FBXO38: variants seen among roughly 807,000 people sequenced by gnomAD.
FBXO38 encodes F-box protein 38, also known as F-box only protein 38.
FBXO38 carries 53 observed loss-of-function variants against 131.9 expected under a neutral mutation model. That is an observed-to-expected ratio of 0.40 (90% CI 0.32 to 0.51). The LOEUF is 0.51. FBXO38 is among the 20% of genes least tolerant of loss of function. The pLI, the probability that FBXO38 is intolerant of heterozygous loss-of-function variation, is 0.53. For synonymous variants in FBXO38, 452 were observed against 505.6 expected (o/e 0.89, Z 1.42); for missense variants, 1,076 against 1,475.6 (o/e 0.73, Z 4.44).
chr5:148,397,087 AAAAC>A (rs2113514505), intron 2 of FBXO38, among the ~76,000 whole-genome samples: 1 of 152,192 alleles, frequency 6.6e-6, no homozygotes, highest in East Asian at 1.9e-4. Context: ...GTTTATTCTA[AAAAC>A]AAACAATTTT....
At chr5:148,434,602 T>A (rs1226746438) in intron 17 of FBXO38, 1 of 152,232 alleles carries the variant, frequency 6.6e-6, no homozygotes, top group Non-Finnish European at 1.5e-5. Context: ...TGTTTGTGTA[T>A]GTGTATGTAT....
At chr5:148,406,650 G>T (rs1201023865) in intron 7 of FBXO38, among the ~76,000 whole-genome samples, 1 of 152,020 alleles carries the variant, frequency 6.6e-6, no homozygotes, top group Non-Finnish European at 1.5e-5. Flanking sequence ...CTTTTATGTA[G>T]CTAATAATAC....
At chr5:148,435,407 A>G (rs558901812) in intron 17 of FBXO38, among the ~76,000 whole-genome samples, 2 of 152,372 alleles carry the variant, frequency 1.3e-5, no homozygotes, top group Admixed American at 1.3e-4. Context: ...CAAGAGACCT[A>G]GCTTTTGACC....
chr5:148,406,252 T>TC lies in FBXO38; in HGVS notation c.731-3dup. 3 of 1,564,756 alleles carry TC rather than the reference T, an allele frequency of 1.9e-6. No individual in the cohort carries two copies. Among genetic ancestry groups the TC allele is most frequent in the Non-Finnish European group, 2.6e-6 (3 of 1,161,642 alleles). Reference sequence around the variant, plus strand: ...GTTCTATCAAAGATTTTTTTTTTTTTCCAGGACCCACAAATTCCTTGAAAT... The same window carrying TC: ...GTTCTATCAAAGATTTTTTTTTTTTTCCCAGGACCCACAAATTCCTTGAAAT... On this transcript the variant is annotated splice_polypyrimidine_tract_variant and splice_region_variant and intron_variant, in intron 6 of 21. Coordinates refer to ENST00000340253, the MANE Select transcript of FBXO38 (RefSeq NM_205836.3).
In FBXO38 at chr5:148,417,334, A is replaced by G. The variant is rs564191856; in HGVS notation, c.1618+130A>G. Reference sequence around the variant, plus strand: ...TCCACATTGAGGAAAGCTAGTTGATAAGGAACATGAGGGAGTAGGTGAAAT... The same window carrying G: ...TCCACATTGAGGAAAGCTAGTTGATGAGGAACATGAGGGAGTAGGTGAAAT... On this transcript the variant is annotated intron_variant, in intron 12 of 21. Transcript: ENST00000340253. The G allele has an allele frequency of 1.2e-4, 88 of 715,300 alleles. No homozygotes were observed. In the East Asian group the frequency reaches 2.3e-3, roughly 19 times the overall value. The allele number at this position is 715,300 out of a possible 1,614,324, so 44.3% of individuals were successfully genotyped here. A position where few individuals can be genotyped will look rare whatever the true frequency, so the allele number is the denominator to read the frequency against.
chr5:148,442,816 T>C lies in FBXO38; in HGVS notation c.*669T>C, dbSNP rs954981298. 3 of 152,180 alleles carry C rather than the reference T, an allele frequency of 2.0e-5. No individual in the cohort carries two copies. Among genetic ancestry groups the C allele is most frequent in the African/African-American group, 7.2e-5 (3 of 41,446 alleles). 9.4% of individuals were successfully genotyped at this position (152,180 alleles called of 1,614,324 possible). A position where few individuals can be genotyped will look rare whatever the true frequency, so the allele number is the denominator to read the frequency against. On this transcript the variant is annotated 3_prime_UTR_variant, in exon 22 of 22. Transcript: ENST00000340253. ...TATATGCTTTATCTTGAATATAAAATAAAAGTTTATTAAAAACTTTTCTCT... is the reference window on the plus strand; with the variant it reads ...TATATGCTTTATCTTGAATATAAAACAAAAGTTTATTAAAAACTTTTCTCT...
At chr5:148,421,398 C>T (rs911037996) in intron 12 of FBXO38, among the ~76,000 whole-genome samples, 2 of 152,036 alleles carry the variant, frequency 1.3e-5, no homozygotes, top group South Asian at 2.1e-4. Context: ...AAAAAAATCC[C>T]AGTAAATGTA....
In FBXO38 at chr5:148,442,570, T is replaced by C. The variant is rs941921303; in HGVS notation, c.*423T>C. On this transcript the variant is annotated 3_prime_UTR_variant, in exon 22 of 22. Transcript: ENST00000340253. ...AAACCTGTTGAAGAGTGTTTGTGTC[T>C]TTTGTGCTTTTTTGTTGTTATTAAA... 6.5e-6 allele frequency: 1 copy of C among 154,222 alleles called. No homozygotes were observed. The highest frequency in any genetic ancestry group is 2.4e-5 in the African/African-American group (1 of 41,474). The allele number at this position is 154,222 out of a possible 1,614,324, so 9.6% of individuals were successfully genotyped here.
intron 1 of FBXO38, among the ~76,000 whole-genome samples, chr5:148,386,621 T>G (rs939396560): frequency 6.6e-6 from 1 of 152,172 alleles, no homozygotes; most frequent in African/African-American, 2.4e-5. Flanking sequence ...TTTCTGACAT[T>G]TCCTTAAGGT....
chr5:148,435,765 A>G (rs1322821870), intron 17 of FBXO38, among the ~76,000 whole-genome samples: 1 of 152,150 alleles, frequency 6.6e-6, no homozygotes, highest in Non-Finnish European at 1.5e-5. Flanking sequence ...GCAAGACTCC[A>G]TCTCAAAAAA....
intron 15 of FBXO38, among the ~76,000 whole-genome samples, chr5:148,429,242 TA>T (rs1394025725): frequency 6.6e-6 from 1 of 152,204 alleles, no homozygotes; most frequent in African/African-American, 2.4e-5. Context: ...TTGGTTCAGA[TA>T]AATGTGCGCA....
In FBXO38 at chr5:148,427,863, G is replaced by T. The variant is rs138241889; in HGVS notation, c.2569G>T (p.Val857Leu). ...GAGCTCCCAGCCTGAGAGTTGTGACGTGCAGTCTAATGAAGACTACCCTCG... is the reference window on the plus strand; with the variant it reads ...GAGCTCCCAGCCTGAGAGTTGTGACTTGCAGTCTAATGAAGACTACCCTCG... The part of the protein sequence containing the change: ...RGSSQPESCD[V>L]QSNEDYPRRP... Residue 857 changes from valine (V) to leucine (L), a missense_variant, in exon 15 of 22, where the codon GTG becomes TTG. Transcript: ENST00000340253. The T allele has an allele frequency of 5.0e-6, 8 of 1,585,870 alleles. No homozygotes were observed. The African/African-American group carries it at 5.4e-5, about 11-fold the overall frequency.
At position 148,406,257 on chromosome 5, in the gene FBXO38, G is replaced by A; in HGVS notation, c.731G>A (p.Gly244Glu). The stretch of plus-strand genomic sequence containing the variant: ...ATCAAAGATTTTTTTTTTTTTCCAG[G>A]ACCCACAAATTCCTTGAAATATGTC... ...LRTFVMRNCA[G>E]PTNSLKYVPL... is the part of the protein sequence containing the mutation. Residue 244 changes from glycine (G) to glutamate (E), a missense_variant and splice_region_variant, in exon 7 of 22, where the codon GGA becomes GAA. By Grantham distance (98) the Gly-to-Glu change is moderately conservative. This residue lies in a region of FBXO38 where 66 missense variants were observed against 72.4 expected (regional missense o/e 0.91). Transcript: ENST00000340253. The A allele has an allele frequency of 6.4e-7, 1 of 1,558,222 alleles. No individual in the cohort carries two copies.
intron 13 of FBXO38, among the ~76,000 whole-genome samples, chr5:148,424,331 C>G (rs1181189615): frequency 6.6e-6 from 1 of 152,220 alleles, no homozygotes; most frequent in Non-Finnish European, 1.5e-5. Flanking sequence ...GCAGCAACAA[C>G]TGCTTTTTCT....
intron 15 of FBXO38, among the ~76,000 whole-genome samples, chr5:148,429,962 G>A (rs957370295): frequency 4.0e-5 from 6 of 151,588 alleles, no homozygotes; most frequent in Admixed American, 1.3e-4. Flanking sequence ...GACTTCTAAT[G>A]TCTGTAACAT....
At chr5:148,399,315 AT>A (rs1306235311) in intron 3 of FBXO38, 183 bp downstream of exon 3, 1 of 615,430 alleles carries the variant, frequency 1.6e-6, no homozygotes, top group Admixed American at 3.0e-5. Flanking sequence ...CTGAGGCTTT[AT>A]TGTTTTAATA....
chr5:148,416,951 C>A, intron 11 of FBXO38, 43 bp from the exon 12 acceptor site: 1 of 1,273,544 alleles, frequency 7.9e-7, no homozygotes, highest in Non-Finnish European at 1.1e-6. Context: ...GGGATATATA[C>A]TAACCCAAAT....
At chr5:148,390,398 C>T (rs1758139676) in intron 1 of FBXO38, among the ~76,000 whole-genome samples, 1 of 152,116 alleles carries the variant, frequency 6.6e-6, no homozygotes, top group Admixed American at 6.6e-5. Flanking sequence ...TTTTCTTTTA[C>T]CCTAGTGTTT....
chr5:148,408,685 ATATT>A lies in FBXO38; in HGVS notation c.869-438_869-435del, dbSNP rs1429365296. On this transcript the variant is annotated intron_variant, in intron 7 of 21. Transcript: ENST00000340253. ...TAAATCAGTCATTTCTTTAAGCTAT[ATATT>A]AGTAATTTATGTTCTTTTTTGTAGG... Among the ~76,000 whole-genome samples the A allele has an allele frequency of 2.6e-5, 4 of 152,336 alleles. No individual in the cohort carries two copies. The East Asian group carries it at 7.7e-4, about 29-fold the overall frequency.
Sources: allele counts gnomAD v4.1 joint callset (sites outside exome capture counted in the v4.1 genomes callset), GRCh38; gene constraint gnomAD v4.1.1; regional missense constraint gnomAD v4.1.1; transcripts MANE v1.5; gene names NCBI Gene and HGNC (gene_info 2026-07-23, HGNC 2026-07-21).